Variants in CDK6 observed in about 807,000 individuals in gnomAD.
The protein encoded by CDK6 is cyclin-dependent kinase 6.
CDK6 carries 6 observed loss-of-function variants against 37.1 expected under a neutral mutation model. The observed-to-expected ratio is 0.16, with a 90% CI of 0.09 to 0.32. The LOEUF is 0.32. Among genes scored for constraint, CDK6 ranks in the 10% least tolerant of loss-of-function variants. The pLI is 1.00. For synonymous variants in CDK6, 160 were observed against 161.3 expected, an observed-to-expected ratio of 0.99 and a Z score of 0.06; for missense variants, 224 against 418.9, an observed-to-expected ratio of 0.53 and a Z score of 4.06.
rs1795546673 is a variant in CDK6 at position 92,610,821 on chromosome 7, A to G, written c.*4319T>C. Reference sequence around the variant, plus strand: ...TGATAAATGGTTTTGGGTAAGGTTCACAATTTTTCAAAAGTATTGGTGGCA... The same window carrying G: ...TGATAAATGGTTTTGGGTAAGGTTCGCAATTTTTCAAAAGTATTGGTGGCA... On this transcript the variant is annotated 3_prime_UTR_variant, in exon 8 of 8. Coordinates refer to ENST00000424848, the MANE Select transcript of CDK6 (RefSeq NM_001145306.2). 4.4e-6 allele frequency: 1 copy of G among 228,420 alleles called. No individual in the cohort carries two copies. The highest frequency in any genetic ancestry group is 5.7e-5 in the Admixed American group (1 of 17,664). 14.1% of individuals were successfully genotyped at this position (228,420 alleles called of 1,614,324 possible).
At chr7:92,777,626 T>A (rs1799884242) in intron 2 of CDK6, among the ~76,000 whole-genome samples, 1 of 152,240 alleles carries the variant, frequency 6.6e-6, no homozygotes, top group African/African-American at 2.4e-5. Flanking sequence ...GCTGTTTTGG[T>A]TACTGTAGCC....
At chr7:92,739,985 T>C (rs983264293) in intron 3 of CDK6, among the ~76,000 whole-genome samples, 2 of 152,132 alleles carry the variant, frequency 1.3e-5, no homozygotes, top group East Asian at 1.9e-4. Flanking sequence ...TCTAAACACC[T>C]GGGCTCAAGT....
At chr7:92,736,967 A>G (rs1042635781) in intron 3 of CDK6, among the ~76,000 whole-genome samples, 11 of 152,244 alleles carry the variant, frequency 7.2e-5, no homozygotes, top group Non-Finnish European at 1.6e-4. Context: ...GAGCTCCGCT[A>G]CATTTCCAGG....
intron 2 of CDK6, among the ~76,000 whole-genome samples, chr7:92,806,718 G>A (rs1007409387): frequency 6.6e-6 from 1 of 152,076 alleles, no homozygotes; most frequent in Non-Finnish European, 1.5e-5. Context: ...GGAACAGACC[G>A]ACTTCTCTTG....
At chr7:92,772,533 CAA>C (rs112275011) in intron 3 of CDK6, among the ~76,000 whole-genome samples, 127 of 128,110 alleles carry the variant, frequency 9.9e-4, no homozygotes, top group African/African-American at 3.3e-3. Context: ...ACAAAAAGCT[CAA>C]AAAAAAAAAA....
chr7:92,725,964 A>G (rs932355086), intron 3 of CDK6, among the ~76,000 whole-genome samples, 171 bp from the exon 4 acceptor site: 1 of 152,082 alleles, frequency 6.6e-6, no homozygotes, highest in African/African-American at 2.4e-5. Flanking sequence ...CCACTCCCAC[A>G]CTTTCAAGAA....
At chr7:92,714,967 T>C (rs758721621) in intron 4 of CDK6, among the ~76,000 whole-genome samples, 2 of 152,174 alleles carry the variant, frequency 1.3e-5, no homozygotes, top group Non-Finnish European at 2.9e-5. Context: ...CCAGTGCCAG[T>C]AAGCCACTGA....
intron 3 of CDK6, among the ~76,000 whole-genome samples, chr7:92,739,080 G>A (rs995539305): frequency 6.6e-6 from 1 of 152,150 alleles, no homozygotes; most frequent in African/African-American, 2.4e-5. Context: ...TGGGCTTTCG[G>A]TACTGCCTTC....
At chr7:92,634,036 A>T (rs17688839) in intron 5 of CDK6, among the ~76,000 whole-genome samples, 21,275 of 152,156 alleles carry the variant, frequency 0.14, 1,920 homozygotes, top group Non-Finnish European at 0.2. Context: ...GATGAACAAA[A>T]GTTTTCAATT....
chr7:92,646,339 A>G (rs1018601035), intron 5 of CDK6, among the ~76,000 whole-genome samples: 3 of 151,920 alleles, frequency 2.0e-5, no homozygotes, highest in Admixed American at 6.6e-5. Context: ...GGTTTTTGCT[A>G]TCTTCCACAG....
chr7:92,629,038 C>T (rs530569738), intron 5 of CDK6, among the ~76,000 whole-genome samples: 29 of 151,954 alleles, frequency 1.9e-4, no homozygotes, highest in South Asian at 6.2e-4. Flanking sequence ...GAAGTAAAAC[C>T]GGTCCAGAAA....
rs532313621 is a variant in CDK6 at position 92,617,435 on chromosome 7, A to G, written c.834+637T>C. On this transcript the variant is annotated intron_variant, in intron 7 of 7. Transcript: ENST00000424848. ...TGTTAATTCAGGAGGTAAAGCAGAC[A>G]CTCATTACTCACTGGGTTTCAGACA... 3.3e-5 allele frequency among the ~76,000 whole-genome samples: 5 copies of G among 152,296 alleles called. No individual in the cohort carries two copies. The South Asian group carries it at 1.0e-3, about 32-fold the overall frequency.
At chr7:92,804,709 A>G (rs1800677755) in intron 2 of CDK6, among the ~76,000 whole-genome samples, 1 of 151,932 alleles carries the variant, frequency 6.6e-6, no homozygotes, top group Non-Finnish European at 1.5e-5. Context: ...TCTGAATCTC[A>G]GGACTATCAG....
Position 92,836,000 on chromosome 7 carries a change from C to T in CDK6, c.-368+478G>A, listed in dbSNP as rs1198400437. Among the ~76,000 whole-genome samples the T allele has an allele frequency of 1.3e-5, 2 of 152,188 alleles. No homozygotes were observed. The highest frequency in any genetic ancestry group is 2.9e-5 in the Non-Finnish European group (2 of 68,028). ...GAGGGGAAGGTGGAGCCCACACCCA[C>T]ACCTCAGCGAGCTGGAGAGGGAGTT... On this transcript the variant is annotated intron_variant, in intron 1 of 7. Transcript: ENST00000424848. The surrounding 1 kb of genome is among the most constrained non-coding windows in gnomAD (Gnocchi z 4.2).
chr7:92,684,419 A>G (rs2237573), intron 4 of CDK6, among the ~76,000 whole-genome samples: 33,051 of 152,116 alleles, frequency 0.22, 5,082 homozygotes, highest in East Asian at 0.49. Context: ...TCACCAAGAT[A>G]GCTGCCAGTT....
At chr7:92,790,213 A>T (rs1160157598) in intron 2 of CDK6, among the ~76,000 whole-genome samples, 1 of 152,212 alleles carries the variant, frequency 6.6e-6, no homozygotes, top group Non-Finnish European at 1.5e-5. Context: ...ATAATTTTCT[A>T]AACCCAGAAG....
intron 2 of CDK6, among the ~76,000 whole-genome samples, chr7:92,831,031 C>T (rs925968996): frequency 2.6e-5 from 4 of 152,230 alleles, no homozygotes; most frequent in Non-Finnish European, 5.9e-5. Context: ...CTTTCACATA[C>T]GCCATCTCAT....
intron 4 of CDK6, chr7:92,710,606 T>C (rs922588020): frequency 2.3e-5 from 11 of 484,154 alleles, no homozygotes; most frequent in African/African-American, 1.9e-4. Context: ...ACTAAATATA[T>C]GATGCTATAA....
chr7:92,685,813 T>C (rs1321471125), intron 4 of CDK6, among the ~76,000 whole-genome samples: 1 of 152,220 alleles, frequency 6.6e-6, no homozygotes, highest in African/African-American at 2.4e-5. Context: ...ATCTTTACAA[T>C]AGAGTAACTT....
Sources: allele counts gnomAD v4.1 joint callset (sites outside exome capture counted in the v4.1 genomes callset), GRCh38; gene constraint gnomAD v4.1.1; non-coding constraint Gnocchi (gnomAD v3.1); transcripts MANE v1.5; gene names NCBI Gene and HGNC (gene_info 2026-07-23, HGNC 2026-07-21).